GPT2: variants seen among roughly 807,000 people sequenced by gnomAD.
GPT2 encodes the protein alanine aminotransferase 2.
In GPT2, 30 loss-of-function variants were observed where a neutral mutation model predicts 56.9. The observed-to-expected ratio is 0.53, with a 90% CI of 0.39 to 0.72. The LOEUF (loss-of-function observed/expected upper bound fraction) is 0.72. GPT2 is among the 30% of genes least tolerant of loss of function. The pLI is 0.00. For missense variants in GPT2, 542 were observed against 703.4 expected (o/e 0.77, Z 2.60); for synonymous variants, 271 against 283.1 (o/e 0.96, Z 0.43).
In GPT2 at chr16:46,892,176, C is replaced by T. The variant is rs186461323; in HGVS notation, c.244-5472C>T. Among the ~76,000 whole-genome samples, 97 of 152,312 alleles carry T rather than the reference C, an allele frequency of 6.4e-4. 3 individuals are homozygous for T. Among genetic ancestry groups the T allele is most frequent in the Admixed American group, 5.2e-3 (80 of 15,300 alleles). On this transcript the variant is annotated intron_variant, in intron 2 of 11. Coordinates refer to ENST00000340124, the MANE Select transcript of GPT2 (RefSeq NM_133443.4). ...TTTAGATTCCACATATGAGTGAGAT[C>T]ATACAGTGTTTGTCTTTCTGTGTCT...
chr16:46,906,642 G>C (rs1347355602), intron 4 of GPT2, among the ~76,000 whole-genome samples, 200 bp from the exon 5 acceptor site: 5 of 152,132 alleles, frequency 3.3e-5, no homozygotes, highest in Non-Finnish European at 7.3e-5. Flanking sequence ...GTAGATGGGT[G>C]GATGGATAGA....
intron 6 of GPT2, among the ~76,000 whole-genome samples, chr16:46,914,866 TG>T (rs1176917900): frequency 6.6e-6 from 1 of 152,008 alleles, no homozygotes; most frequent in Non-Finnish European, 1.5e-5. Flanking sequence ...TGTGCAGTAA[TG>T]GGGGGGAGGG....
At chr16:46,887,236 A>G (rs1960500623) in intron 2 of GPT2, among the ~76,000 whole-genome samples, 1 of 152,146 alleles carries the variant, frequency 6.6e-6, no homozygotes, top group Non-Finnish European at 1.5e-5. Flanking sequence ...TGGGAAGCCA[A>G]AGTGGGTGGA....
chr16:46,885,965 C>T (rs1960475117), intron 2 of GPT2, among the ~76,000 whole-genome samples: 2 of 152,116 alleles, frequency 1.3e-5, no homozygotes, highest in African/African-American at 4.8e-5. Context: ...ACTAGTGTCC[C>T]ATGAATGCAT....
At position 46,922,441 on chromosome 16, in the gene GPT2, A is replaced by AC. The variant is rs1018981931; in HGVS notation, c.1212+29dup. ...AGTGAGTCCACTGTGATGCGTCTGC[A>AC]CCCCTGTGGCCGGGGTCACGAGAGT... On this transcript the variant is annotated intron_variant, in intron 9 of 11. Transcript: ENST00000340124. 3 of 1,576,938 alleles carry AC rather than the reference A, an allele frequency of 1.9e-6. No individual in the cohort carries two copies. In the African/African-American group the frequency reaches 4.1e-5, roughly 21 times the overall value.
intron 7 of GPT2, among the ~76,000 whole-genome samples, chr16:46,917,120 T>G (rs1457386140): frequency 6.6e-6 from 1 of 152,188 alleles, no homozygotes; most frequent in Non-Finnish European, 1.5e-5. Flanking sequence ...GAGGGCTTTT[T>G]GCCCTGGTGG....
chr16:46,889,399 A>G (rs1459945211), intron 2 of GPT2, among the ~76,000 whole-genome samples: 1 of 151,964 alleles, frequency 6.6e-6, no homozygotes, highest in East Asian at 1.9e-4. Context: ...CTAGGACTAC[A>G]GGTGTGTGCC....
intron 8 of GPT2, among the ~76,000 whole-genome samples, chr16:46,921,677 CAT>C (rs1191660553): frequency 2.6e-5 from 4 of 152,030 alleles, no homozygotes; most frequent in African/African-American, 9.7e-5. Context: ...TAAAACTCAT[CAT>C]GTGTCCTCAG....
At chr16:46,900,905 G>T (rs1269415791) in intron 4 of GPT2, 115 bp downstream of exon 4, 7 of 752,278 alleles carry the variant, frequency 9.3e-6, no homozygotes, top group African/African-American at 3.5e-5. Flanking sequence ...TGTGTGGGTG[G>T]CTGACAGCAC....
intron 2 of GPT2, among the ~76,000 whole-genome samples, chr16:46,895,496 G>C (rs1324198808): frequency 6.6e-6 from 1 of 151,904 alleles, no homozygotes; most frequent in Non-Finnish European, 1.5e-5. Flanking sequence ...TTGCACTCCA[G>C]TCTGGGTGAC....
At chr16:46,915,553 C>G (rs1224315910) in intron 6 of GPT2, 1 of 147,044 alleles carries the variant, frequency 6.8e-6, no homozygotes, top group Non-Finnish European at 1.5e-5. Flanking sequence ...TCTTACACCC[C>G]ACCACACCTA....
At chr16:46,888,188 A>G (rs745965124) in intron 2 of GPT2, among the ~76,000 whole-genome samples, 1 of 152,228 alleles carries the variant, frequency 6.6e-6, no homozygotes, top group Non-Finnish European at 1.5e-5. Context: ...AAGACTGACA[A>G]TTACTGGTTA....
In GPT2 at chr16:46,909,872, C is replaced by G; in HGVS notation, c.765C>G (p.Ala255=). The G allele has an allele frequency of 6.2e-7, 1 of 1,614,020 alleles. No individual in the cohort carries two copies. The highest frequency in any genetic ancestry group is 8.5e-7 in the Non-Finnish European group (1 of 1,179,986). ...AGCTCCGGCGGGCGGTGCAGGAGGC[C>G]AAAGACCACTGTGATCCTAAGGTGC... is the stretch of plus-strand genomic sequence containing the variant. ...VNELRRAVQE[A]KDHCDPKVLC... The change falls in exon 6 of 12, where the codon GCC becomes GCG. Residue 255 remains alanine, a synonymous_variant. Coordinates refer to ENST00000340124, the MANE Select transcript of GPT2 (RefSeq NM_133443.4).
At position 46,917,841 on chromosome 16, in the gene GPT2, T is replaced by C. The variant is rs144441533; in HGVS notation, c.901-780T>C. Among the ~76,000 whole-genome samples the C allele has an allele frequency of 8.5e-5, 13 of 152,262 alleles. No individual in the cohort carries two copies. The East Asian group carries it at 2.5e-3, about 29-fold the overall frequency. On this transcript the variant is annotated intron_variant, in intron 7 of 11. Transcript: ENST00000340124. ...ATAGTAGATGGGCCTGATATCTTCA[T>C]TTCTAAAGGAGAGAAAGGGCAGCAG...
rs200386533 is a variant in GPT2 at position 46,893,116 on chromosome 16, AT to A, written c.244-4526del. Among the ~76,000 whole-genome samples, 40 of 4,136 alleles carry A rather than the reference AT, an allele frequency of 9.7e-3. No homozygotes were observed. The East Asian group carries it at 0.29, about 30-fold the overall frequency. 2.7% of individuals were successfully genotyped at this position (4,136 alleles called of 152,430 possible). A position where few individuals can be genotyped will look rare whatever the true frequency, so the allele number is the denominator to read the frequency against. ...AGTACAGGTGCAGGGTTTTTCCTGA[AT>A]TTTTTGTTTGTTTGTTTGTTTTTTG... On this transcript the variant is annotated intron_variant, in intron 2 of 11. Coordinates refer to ENST00000340124, the MANE Select transcript of GPT2 (RefSeq NM_133443.4).
intron 8 of GPT2, among the ~76,000 whole-genome samples, chr16:46,919,215 G>A (rs1846752119): frequency 6.6e-6 from 1 of 152,250 alleles, no homozygotes; most frequent in Admixed American, 6.5e-5. Context: ...TGTTTACTGA[G>A]CACTTACGAT....
At chr16:46,924,651 C>T (rs1438409287) in intron 10 of GPT2, 107 bp downstream of exon 10, 36 of 1,199,786 alleles carry the variant, frequency 3.0e-5, no homozygotes, top group African/African-American at 4.5e-5. Flanking sequence ...CCTGGAGGCT[C>T]GGAACTGTAT....
intron 6 of GPT2, among the ~76,000 whole-genome samples, chr16:46,911,604 G>A (rs905760219): frequency 1.3e-5 from 2 of 152,148 alleles, no homozygotes; most frequent in Non-Finnish European, 2.9e-5. Context: ...CACACCCTAG[G>A]ATCTCTGAGA....
intron 7 of GPT2, among the ~76,000 whole-genome samples, 195 bp from the exon 8 acceptor site, chr16:46,918,426 A>T (rs1961215097): frequency 6.6e-6 from 1 of 152,222 alleles, no homozygotes; most frequent in Non-Finnish European, 1.5e-5. Context: ...CTCAGCATCC[A>T]GCCTGAGGCC....
Sources: allele counts gnomAD v4.1 joint callset (sites outside exome capture counted in the v4.1 genomes callset), GRCh38; gene constraint gnomAD v4.1.1; transcripts MANE v1.5; gene names NCBI Gene and HGNC (gene_info 2026-07-23, HGNC 2026-07-21).